Variants in LHPP observed in about 807,000 individuals in gnomAD.
The protein encoded by LHPP is hLHPP.
LHPP carries 24 observed loss-of-function variants against 30.3 expected under a neutral mutation model. That is an observed-to-expected ratio of 0.79 (90% CI 0.57 to 1.11). The LOEUF is 1.11. LHPP is among the 50% of genes most tolerant of loss of function. The pLI, the probability that LHPP is intolerant of heterozygous loss-of-function variation, is 0.00. For synonymous variants in LHPP, 150 were observed against 157.1 expected, an observed-to-expected ratio of 0.95 and a Z score of 0.34; for missense variants, 356 against 367.2, an observed-to-expected ratio of 0.97 and a Z score of 0.25.
At chr10:124,479,640 C>A (rs1461687307) in intron 1 of LHPP, among the ~76,000 whole-genome samples, 1 of 152,142 alleles carries the variant, frequency 6.6e-6, no homozygotes, top group East Asian at 1.9e-4. Context: ...GCTCACATGG[C>A]CTCTTTGTGC....
rs1948951517 is a variant in LHPP at position 124,596,965 on chromosome 10, T to G, written c.717-16299T>G. On this transcript the variant is annotated intron_variant, in intron 6 of 6. Coordinates refer to ENST00000368842, the MANE Select transcript of LHPP (RefSeq NM_022126.4). This position sits in a 1 kb window ranked among gnomAD's most constrained non-coding sequence, Gnocchi z 4.6. ...ACCCTCCGTGTGGGTGGGCACCATC[T>G]CATCGGCTGTCCTTGTGGCTGGAAC... 1.3e-5 allele frequency among the ~76,000 whole-genome samples: 2 copies of G among 152,344 alleles called. No homozygotes were observed. Among genetic ancestry groups the G allele is most frequent in the South Asian group, 4.1e-4 (2 of 4,828 alleles).
chr10:124,525,767 AAC>A (rs1262219518), intron 6 of LHPP, among the ~76,000 whole-genome samples: 1 of 152,138 alleles, frequency 6.6e-6, no homozygotes, highest in Non-Finnish European at 1.5e-5. Flanking sequence ...CAGGATTGGG[AAC>A]AGTCACCCTC....
chr10:124,508,495 C>T (rs540870615), intron 5 of LHPP, among the ~76,000 whole-genome samples: 28 of 152,212 alleles, frequency 1.8e-4, no homozygotes, highest in East Asian at 5.8e-4. Context: ...CAGGAGCTTC[C>T]GGCCCTGGCT....
intron 6 of LHPP, among the ~76,000 whole-genome samples, chr10:124,527,936 C>T (rs751802629): frequency 7.2e-5 from 11 of 152,214 alleles, no homozygotes; most frequent in Admixed American, 2.6e-4. Flanking sequence ...TATGCCACCA[C>T]GCCCAACTAA....
At chr10:124,597,720 G>A (rs1948966489) in intron 6 of LHPP, among the ~76,000 whole-genome samples, 1 of 147,322 alleles carries the variant, frequency 6.8e-6, no homozygotes, top group South Asian at 2.2e-4. Context: ...CAGAGTGAGT[G>A]CCCTGCCCTG....
At chr10:124,612,447 C>T (rs1006983569) in intron 6 of LHPP, among the ~76,000 whole-genome samples, 4 of 152,128 alleles carry the variant, frequency 2.6e-5, no homozygotes, top group African/African-American at 7.2e-5. Context: ...TCTCCACGAA[C>T]CCACCTGACC....
At chr10:124,508,948 T>C (rs1445452892) in intron 5 of LHPP, among the ~76,000 whole-genome samples, 1 of 151,922 alleles carries the variant, frequency 6.6e-6, no homozygotes, top group Non-Finnish European at 1.5e-5. Context: ...GTCTTGGGGG[T>C]TTGGTGTGCA....
At chr10:124,508,240 G>A (rs1282635542) in intron 5 of LHPP, among the ~76,000 whole-genome samples, 2 of 152,070 alleles carry the variant, frequency 1.3e-5, no homozygotes, top group Non-Finnish European at 2.9e-5. Flanking sequence ...AACTCTGTTG[G>A]CTGAGCCCCA....
At chr10:124,605,220 G>A (rs1025933556) in intron 6 of LHPP, 1 of 152,338 alleles carries the variant, frequency 6.6e-6, no homozygotes, top group African/African-American at 2.4e-5. Context: ...CAGAGCATGA[G>A]GGGGAGGAAT....
intron 6 of LHPP, among the ~76,000 whole-genome samples, chr10:124,586,099 A>G (rs529530989): frequency 6.6e-6 from 1 of 152,338 alleles, no homozygotes; most frequent in South Asian, 2.1e-4. Flanking sequence ...ATATGTTTCT[A>G]AAACAACATT....
intron 6 of LHPP, among the ~76,000 whole-genome samples, chr10:124,530,319 C>A (rs950755943): frequency 6.6e-6 from 1 of 152,168 alleles, no homozygotes. Context: ...GGGCGCCTTG[C>A]TGCCAGGGAT....
chr10:124,462,971 G>A (rs1214492617), intron 1 of LHPP, among the ~76,000 whole-genome samples: 4 of 152,192 alleles, frequency 2.6e-5, no homozygotes, highest in East Asian at 1.9e-4. Flanking sequence ...AGGTTCAAGC[G>A]ATTCTCCTGC....
chr10:124,561,208 C>T (rs1035620704), intron 6 of LHPP, among the ~76,000 whole-genome samples: 6 of 152,322 alleles, frequency 3.9e-5, no homozygotes, highest in African/African-American at 1.4e-4. Flanking sequence ...AACTGTGGTA[C>T]TCCAGCCAAA....
chr10:124,585,282 G>T (rs1336620919), intron 6 of LHPP, among the ~76,000 whole-genome samples: 1 of 152,204 alleles, frequency 6.6e-6, no homozygotes, highest in Non-Finnish European at 1.5e-5. Flanking sequence ...AAATGGGACT[G>T]CATTCCTGTT....
Position 124,461,847 on chromosome 10 carries a change from A to C in LHPP, c.-16A>C, listed in dbSNP as rs746881901. On this transcript the variant is annotated 5_prime_UTR_variant, in exon 1 of 7. Transcript: ENST00000368842. ...CGTCGGTTGGGACGCGGAGCTGAGG[A>C]GCAGGGCCGGGCGCCATGGCACCGT... 1.3e-5 allele frequency: 16 copies of C among 1,238,454 alleles called. No homozygotes were observed. Among genetic ancestry groups the C allele is most frequent in the African/African-American group, 1.5e-5 (1 of 64,518 alleles). The allele number at this position is 1,238,454 out of a possible 1,614,324, so 76.7% of individuals were successfully genotyped here.
chr10:124,568,605 G>T (rs938789347), intron 6 of LHPP, among the ~76,000 whole-genome samples: 1 of 152,186 alleles, frequency 6.6e-6, no homozygotes, highest in African/African-American at 2.4e-5. Context: ...ACCGATGGAG[G>T]CTTACCGTGC....
intron 6 of LHPP, among the ~76,000 whole-genome samples, chr10:124,561,267 C>T (rs907774928): frequency 9.9e-5 from 15 of 152,186 alleles, no homozygotes; most frequent in African/African-American, 3.6e-4. Context: ...CCAGCAAGGG[C>T]TCAGCAGGGA....
intron 2 of LHPP, 152 bp from the exon 3 acceptor site, chr10:124,488,270 T>C: frequency 1.4e-6 from 1 of 704,690 alleles, no homozygotes; most frequent in East Asian, 2.7e-5. Flanking sequence ...ATAACCCTTC[T>C]GTGTCTACCT....
intron 6 of LHPP, among the ~76,000 whole-genome samples, chr10:124,579,941 A>AGATT (rs1334008880): frequency 6.6e-6 from 1 of 152,188 alleles, no homozygotes; most frequent in Non-Finnish European, 1.5e-5. Flanking sequence ...TGGTATTGTG[A>AGATT]GATTTTTTTA....
Sources: allele counts gnomAD v4.1 joint callset (sites outside exome capture counted in the v4.1 genomes callset), GRCh38; gene constraint gnomAD v4.1.1; non-coding constraint Gnocchi (gnomAD v3.1); transcripts MANE v1.5; gene names NCBI Gene and HGNC (gene_info 2026-07-23, HGNC 2026-07-21).